Variants in NAV3 observed in about 807,000 individuals in gnomAD.
The protein encoded by NAV3 is neuron navigator 3, also known as pore membrane and/or filament interacting like protein 1.
Under a neutral mutation model 244.7 loss-of-function variants are expected in NAV3, and 87 were observed. That is an observed-to-expected ratio of 0.36 (90% CI 0.30 to 0.42). The LOEUF is 0.42. NAV3 is among the 20% of genes least tolerant of loss of function. The pLI is 1.00. For missense variants in NAV3, 2,663 were observed against 2,893.3 expected, an observed-to-expected ratio of 0.92 and a Z score of 1.83; for synonymous variants, 1,126 against 1,042.2, an observed-to-expected ratio of 1.08 and a Z score of -1.55.
chr12:78,093,137 A>G (rs769693435), intron 12 of NAV3, among the ~76,000 whole-genome samples: 3 of 152,218 alleles, frequency 2.0e-5, no homozygotes, highest in Non-Finnish European at 4.4e-5. Context: ...ACAATATACA[A>G]TGAATATGAA....
intron 2 of NAV3, among the ~76,000 whole-genome samples, chr12:77,700,307 A>G (rs565316573): frequency 1.3e-5 from 2 of 152,264 alleles, no homozygotes; most frequent in Admixed American, 1.3e-4. Flanking sequence ...CACAAAATAG[A>G]GGATATCAAT....
upstream of NAV3, among the ~76,000 whole-genome samples, chr12:77,828,820 C>CT (rs552969273): frequency 2.3e-3 from 355 of 151,982 alleles, 1 homozygote; most frequent in African/African-American, 8.1e-3. Context: ...AATGTGAATC[C>CT]TTTTTTTTCA....
chr12:77,820,389 T>G (rs966210017), intron 2 of NAV3, among the ~76,000 whole-genome samples: 2 of 152,096 alleles, frequency 1.3e-5, no homozygotes, highest in African/African-American at 4.8e-5. Context: ...TGGCTGCATC[T>G]TCATATGTTA....
chr12:78,106,002 T>C (rs1954783764), intron 12 of NAV3, among the ~76,000 whole-genome samples: 1 of 151,538 alleles, frequency 6.6e-6, no homozygotes, highest in Non-Finnish European at 1.5e-5. Context: ...TTATTTTTCC[T>C]AGACTTAAAT....
At chr12:77,669,175 G>A (rs1213615257) in intron 2 of NAV3, among the ~76,000 whole-genome samples, 1 of 152,122 alleles carries the variant, frequency 6.6e-6, no homozygotes, top group African/African-American at 2.4e-5. Context: ...TACCAAGACA[G>A]CACTACAAGA....
chr12:77,967,043 C>A (rs567579170), intron 4 of NAV3, among the ~76,000 whole-genome samples: 8 of 152,172 alleles, frequency 5.3e-5, no homozygotes, highest in African/African-American at 1.9e-4. Context: ...TTAAATTACA[C>A]ATTTAATGAC....
At chr12:77,867,579 C>T (rs1260625555) in intron 1 of NAV3, among the ~76,000 whole-genome samples, 1 of 152,042 alleles carries the variant, frequency 6.6e-6, no homozygotes, top group East Asian at 1.9e-4. Flanking sequence ...GCCACCACGC[C>T]CGGCTAATTT....
At chr12:77,882,748 ACT>A (rs1482772552) in intron 1 of NAV3, among the ~76,000 whole-genome samples, 10 of 152,040 alleles carry the variant, frequency 6.6e-5, no homozygotes, top group Admixed American at 1.3e-4. Context: ...AAAACAAGTA[ACT>A]CTATTAAAAA....
Position 77,778,484 on chromosome 12 carries a change from T to C in NAV3, c.73-161835T>C, listed in dbSNP as rs182087479. On this transcript the variant is annotated intron_variant, in intron 2 of 8. Transcript: ENST00000550042. ...AAAATTAGCCAGGCATGGTGGCGGG[T>C]GCCTGTATTCCCAGCTACTCGGGAG... Among the ~76,000 whole-genome samples the C allele has an allele frequency of 8.6e-3, 1,295 of 151,384 alleles. 20 individuals carry two copies. The highest frequency in any genetic ancestry group is 0.029 in the African/African-American group (1,217 of 41,276).
chr12:77,708,635 A>G (rs1279128182), intron 2 of NAV3, among the ~76,000 whole-genome samples: 2 of 152,124 alleles, frequency 1.3e-5, no homozygotes, highest in East Asian at 3.9e-4. Flanking sequence ...CATTGAATCT[A>G]TAAATTACCT....
At chr12:77,660,438 G>C (rs1873382230) in intron 2 of NAV3, among the ~76,000 whole-genome samples, 1 of 152,104 alleles carries the variant, frequency 6.6e-6, no homozygotes, top group South Asian at 2.1e-4. Context: ...CCAATTGTGT[G>C]TCTTCCAATG....
At chr12:77,791,084 G>A (rs1325225043) in intron 2 of NAV3, among the ~76,000 whole-genome samples, 10 of 152,120 alleles carry the variant, frequency 6.6e-5, no homozygotes, top group South Asian at 2.1e-4. Context: ...GGCCGGGCGC[G>A]GTGGCTCATG....
chr12:78,133,421 TA>T (rs1358746309), intron 18 of NAV3, among the ~76,000 whole-genome samples: 6 of 151,276 alleles, frequency 4.0e-5, no homozygotes, highest in African/African-American at 1.5e-4. Flanking sequence ...ATACTTACCT[TA>T]AATATGTCCT....
chr12:77,896,825 G>C (rs1319238059), intron 1 of NAV3, among the ~76,000 whole-genome samples: 2 of 152,144 alleles, frequency 1.3e-5, no homozygotes, highest in Non-Finnish European at 2.9e-5. Context: ...ACCCAATTTT[G>C]ATGTGAAACC....
chr12:78,212,608 A>T lies in NAV3; in HGVS notation c.*2091A>T, dbSNP rs911574139. Reference sequence around the variant, plus strand: ...GTTTCCCTTGTATAATATGTGATCTAAGAAAATTGCTAATCTTTCCCTGCC... The same window carrying T: ...GTTTCCCTTGTATAATATGTGATCTTAGAAAATTGCTAATCTTTCCCTGCC... On this transcript the variant is annotated 3_prime_UTR_variant, in exon 40 of 40. Coordinates refer to ENST00000397909, the MANE Select transcript of NAV3 (RefSeq NM_001024383.2). 2 of 152,638 alleles carry T rather than the reference A, an allele frequency of 1.3e-5. No individual in the cohort carries two copies. The highest frequency in any genetic ancestry group is 4.8e-5 in the African/African-American group (2 of 41,456). 9.5% of individuals were successfully genotyped at this position (152,638 alleles called of 1,614,324 possible). A position where few individuals can be genotyped will look rare whatever the true frequency, so the allele number is the denominator to read the frequency against.
Position 78,205,049 on chromosome 12 carries a change from G to C in NAV3, c.6949G>C (p.Glu2317Gln). The change falls in exon 39 of 40, where the codon GAA becomes CAA. Residue 2317 changes from glutamate (E) to glutamine (Q), a missense_variant. Transcript: ENST00000397909. ...CCCAGCCTTACTTCAGCTGCGACCA[G>C]AAGATGTTGGGTATGAAAGCTGCAC... The part of the protein sequence containing the change: ...ESPALLQLRP[E>Q]DVGYESCTST... The C allele has an allele frequency of 6.2e-7, 1 of 1,613,542 alleles. No homozygotes were observed. The highest frequency in any genetic ancestry group is 8.5e-7 in the Non-Finnish European group (1 of 1,179,754).
chr12:77,945,401 T>C (rs1276748040), intron 3 of NAV3, among the ~76,000 whole-genome samples: 1 of 152,160 alleles, frequency 6.6e-6, no homozygotes, highest in Non-Finnish European at 1.5e-5. Flanking sequence ...GAAAAAAGTA[T>C]GTATGTAACA....
At chr12:78,122,764 C>G (rs1188221037) in intron 16 of NAV3, among the ~76,000 whole-genome samples, 1 of 152,102 alleles carries the variant, frequency 6.6e-6, no homozygotes, top group Admixed American at 6.5e-5. Flanking sequence ...ACAACACTAG[C>G]TCCTTATGAT....
chr12:77,619,885 A>T (rs1040662399), intron 2 of NAV3, among the ~76,000 whole-genome samples: 8 of 151,948 alleles, frequency 5.3e-5, no homozygotes, highest in African/African-American at 1.5e-4. Flanking sequence ...TCTCTCTCAC[A>T]CACACACACA....
Sources: gnomAD v4.1 joint callset for allele counts (sites outside exome capture counted in the v4.1 genomes callset) on GRCh38, gnomAD v4.1.1 for gene constraint, MANE v1.5 for transcripts, NCBI Gene and HGNC (gene_info 2026-07-23, HGNC 2026-07-21) for gene names.